Variants in IQSEC1 observed in about 807,000 individuals in gnomAD.
The protein encoded by IQSEC1 is IQ motif and Sec7 domain ArfGEF 1.
IQSEC1 carries 31 observed loss-of-function variants against 91.0 expected under a neutral mutation model. That is an observed-to-expected ratio of 0.34 (90% confidence interval 0.26 to 0.46). The LOEUF (loss-of-function observed/expected upper bound fraction) is 0.46, where lower values mean the gene tolerates loss of function less well. Ranked by LOEUF, IQSEC1 falls within the 20% of genes least tolerant of loss-of-function variation. The probability of loss-of-function intolerance (pLI) is 1.00; values close to 1 mark genes in which losing one functional copy is unlikely to be tolerated. For missense variants in IQSEC1, 1,388 were observed against 1,575.6 expected (o/e 0.88, Z 2.02); for synonymous variants, 699 against 662.6 (o/e 1.05, Z -0.84).
chr3:12,968,027 G>A lies in IQSEC1; in HGVS notation c.24-26162C>T, dbSNP rs542461805. ...CCCAGCGCGCGAAGCCTCTGTTCTG[G>A]AAGGAGGACTTTGCGCAGCCCCTCC... On this transcript the variant is annotated intron_variant, in intron 1 of 13. Coordinates refer to ENST00000613206, the MANE Select transcript of IQSEC1 (RefSeq NM_001134382.3). 5.3e-5 allele frequency among the ~76,000 whole-genome samples: 8 copies of A among 152,334 alleles called. No individual in the cohort carries two copies. In the East Asian group the frequency reaches 1.5e-3, roughly 29 times the overall value.
chr3:12,914,015 C>T (rs771095486), intron 8 of IQSEC1, among the ~76,000 whole-genome samples: 12 of 152,176 alleles, frequency 7.9e-5, no homozygotes, highest in African/African-American at 1.4e-4. Context: ...ACAGAAGTAA[C>T]GACAAAACTA....
chr3:13,020,867 T>A (rs1443838624), intron 1 of IQSEC1, among the ~76,000 whole-genome samples: 1 of 152,026 alleles, frequency 6.6e-6, no homozygotes, highest in Non-Finnish European at 1.5e-5. Context: ...TTGTTGCAGG[T>A]ATTTTCTGTA....
intron 1 of IQSEC1, among the ~76,000 whole-genome samples, chr3:13,274,617 G>A (rs573102384): frequency 5.9e-5 from 9 of 152,356 alleles, no homozygotes; most frequent in Admixed American, 4.6e-4. Flanking sequence ...TCCCAAGTGT[G>A]TCCTGCATGA....
intron 1 of IQSEC1, among the ~76,000 whole-genome samples, chr3:12,978,932 T>A (rs920465468): frequency 6.6e-6 from 1 of 152,124 alleles, no homozygotes; most frequent in African/African-American, 2.4e-5. Flanking sequence ...TGCAGGTACA[T>A]GAAGTGGCAA....
Position 13,065,299 on chromosome 3 carries a change from A to C in IQSEC1, c.23+7693T>G, listed in dbSNP as rs138678405. ...ATGAAGCACACATATAAATGCACAGAAATTCACCAAGGACCCAAAGGAACT... is the reference window on the plus strand; with the variant it reads ...ATGAAGCACACATATAAATGCACAGCAATTCACCAAGGACCCAAAGGAACT... On this transcript the variant is annotated intron_variant, in intron 1 of 13. Coordinates refer to ENST00000613206, the MANE Select transcript of IQSEC1 (RefSeq NM_001134382.3). Among the ~76,000 whole-genome samples the C allele has an allele frequency of 8.9e-4, 135 of 152,390 alleles. 2 individuals carry two copies. Among genetic ancestry groups the C allele is most frequent in the Middle Eastern group, 3.4e-3 (1 of 294 alleles).
intron 1 of IQSEC1, among the ~76,000 whole-genome samples, chr3:12,988,196 T>C (rs1297773720): frequency 6.6e-6 from 1 of 152,182 alleles, no homozygotes; most frequent in East Asian, 1.9e-4. Context: ...GGTGGATCAC[T>C]TGAGGTCAGG....
intron 3 of IQSEC1, among the ~76,000 whole-genome samples, chr3:12,929,231 A>C (rs1423851678): frequency 6.6e-6 from 1 of 152,208 alleles, no homozygotes; most frequent in East Asian, 1.9e-4. Context: ...AGAATCCATG[A>C]GTTCGTACTC....
In IQSEC1 at chr3:13,206,588, G is replaced by A. The variant is rs570724689; in HGVS notation, c.273-42455C>T. On this transcript the variant is annotated intron_variant, in intron 1 of 15. Coordinates refer to the IQSEC1 transcript ENST00000648114. The stretch of plus-strand genomic sequence containing the variant: ...GTGCCCTTTGTTACACATGAGCTAT[G>A]CCTTAATTAAAATTTTGCAAATCAT... Among the ~76,000 whole-genome samples the A allele has an allele frequency of 4.6e-5, 7 of 152,294 alleles. 1 individual carries two copies. Among genetic ancestry groups the A allele is most frequent in the African/African-American group, 1.7e-4 (7 of 41,564 alleles).
At chr3:13,015,815 G>T in intron 1 of IQSEC1, 1 of 775,544 alleles carries the variant, frequency 1.3e-6, no homozygotes, top group Non-Finnish European at 1.6e-6. Flanking sequence ...GCTCCTTCCA[G>T]GTCTGGCAAA....
chr3:12,973,118 T>C (rs920229461), intron 1 of IQSEC1, among the ~76,000 whole-genome samples: 3 of 152,168 alleles, frequency 2.0e-5, no homozygotes, highest in Admixed American at 1.3e-4. Context: ...TGGTATAGGG[T>C]TGTCCACCCT....
At chr3:13,150,491 A>T (rs527327974) in intron 2 of IQSEC1, among the ~76,000 whole-genome samples, 1 of 152,304 alleles carries the variant, frequency 6.6e-6, no homozygotes, top group South Asian at 2.1e-4. Context: ...GCCTGTTCCC[A>T]AGTTATTTAT....
chr3:12,932,301 A>C (rs1303932125), intron 3 of IQSEC1, among the ~76,000 whole-genome samples: 1 of 152,178 alleles, frequency 6.6e-6, no homozygotes, highest in African/African-American at 2.4e-5. Context: ...CTCAGTTTAC[A>C]GATCTGTCAC....
rs1037506154 is a variant in IQSEC1 at position 13,129,646 on chromosome 3, A to G, written c.302+34458T>C. On this transcript the variant is annotated intron_variant, in intron 2 of 15. Coordinates refer to the IQSEC1 transcript ENST00000648114. ...TTCTCCTATGTACTGCTTTAGTAAC[A>G]TCTTATGAATTTTTTTTTTTTTTTT... Among the ~76,000 whole-genome samples, 7 of 143,864 alleles carry G rather than the reference A, an allele frequency of 4.9e-5. 1 individual carries two copies. Among genetic ancestry groups the G allele is most frequent in the Admixed American group, 1.4e-4 (2 of 14,270 alleles). The allele number at this position is 143,864 out of a possible 152,430, so 94.4% of individuals were successfully genotyped here.
chr3:13,223,606 G>T (rs1349999989), intron 1 of IQSEC1, among the ~76,000 whole-genome samples: 1 of 152,164 alleles, frequency 6.6e-6, no homozygotes, highest in Non-Finnish European at 1.5e-5. Context: ...CCAGGTCCTC[G>T]CGCGCCCACC....
At chr3:12,959,494 C>A (rs769753850) in intron 1 of IQSEC1, among the ~76,000 whole-genome samples, 1 of 152,186 alleles carries the variant, frequency 6.6e-6, no homozygotes, top group East Asian at 1.9e-4. Context: ...GGAGGAGTCA[C>A]GGGCCTAGCC....
chr3:13,282,505 C>T lies in IQSEC1; in HGVS notation c.272+206G>A, dbSNP rs368597364. On this transcript the variant is annotated intron_variant, in intron 1 of 15. Transcript: ENST00000648114. The surrounding 1 kb of genome is among the most constrained non-coding windows in gnomAD (Gnocchi z 6.4). ...CCTTTTCCAGGGAACCCAGTCCCCA[C>T]CCGAGATCGAGCTCCGGATCTGGGC... Among the ~76,000 whole-genome samples the T allele has an allele frequency of 6.6e-6, 1 of 152,010 alleles. No individual in the cohort carries two copies. Among genetic ancestry groups the T allele is most frequent in the Admixed American group, 6.5e-5 (1 of 15,288 alleles).
At chr3:13,233,774 G>A (rs916007665) in intron 1 of IQSEC1, among the ~76,000 whole-genome samples, 1 of 152,188 alleles carries the variant, frequency 6.6e-6, no homozygotes, top group Non-Finnish European at 1.5e-5. Context: ...CCCCAGGGAA[G>A]AGTGAGGGCT....
chr3:12,957,058 CAGG>C (rs781126790), intron 1 of IQSEC1, among the ~76,000 whole-genome samples: 21 of 152,216 alleles, frequency 1.4e-4, no homozygotes, highest in Non-Finnish European at 2.9e-4. Flanking sequence ...AGAGGGACAT[CAGG>C]AGAAGTGTTC....
At chr3:13,113,379 C>T (rs1450162149) in intron 2 of IQSEC1, among the ~76,000 whole-genome samples, 5 of 152,208 alleles carry the variant, frequency 3.3e-5, no homozygotes, top group African/African-American at 4.8e-5. Context: ...TATTGGCCAG[C>T]CCCTTGACCT....
Sources: allele counts gnomAD v4.1 joint callset (sites outside exome capture counted in the v4.1 genomes callset), GRCh38; gene constraint gnomAD v4.1.1; non-coding constraint Gnocchi (gnomAD v3.1); transcripts MANE v1.5; gene names NCBI Gene and HGNC (gene_info 2026-07-23, HGNC 2026-07-21).